The following IL16 variants were observed in gnomAD, a reference collection of about 807,000 sequenced individuals.
IL16 encodes the protein interleukin 16, also known as pro-interleukin-16.
Under a neutral mutation model 110.1 loss-of-function variants are expected in IL16, and 67 were observed. The ratio of observed to expected loss-of-function variants is 0.61; its 90% CI spans 0.50 to 0.75. The LOEUF is 0.75. IL16 is among the 30% of genes least tolerant of loss of function. The pLI is 0.00. For missense variants in IL16, 1,545 were observed against 1,655.0 expected, an observed-to-expected ratio of 0.93 and a Z score of 1.15; for synonymous variants, 689 against 662.9, an observed-to-expected ratio of 1.04 and a Z score of -0.61.
Position 81,250,447 on chromosome 15 carries a change from G to A in IL16, c.313-9325G>A, listed in dbSNP as rs144505721. On this transcript the variant is annotated intron_variant, in intron 2 of 18. Coordinates refer to ENST00000683961, the MANE Select transcript of IL16 (RefSeq NM_172217.5). Reference sequence around the variant, plus strand: ...CCACCTCAGCCTCTCAAAGTGCTGCGATTACAGGTGGGAGCCACCACACTT... The same window carrying A: ...CCACCTCAGCCTCTCAAAGTGCTGCAATTACAGGTGGGAGCCACCACACTT... 1.3e-4 allele frequency among the ~76,000 whole-genome samples: 20 copies of A among 152,304 alleles called. 1 individual carries two copies. In the East Asian group the frequency reaches 2.7e-3, roughly 21 times the overall value.
At chr15:81,208,970 T>A (rs1896134828) in intron 1 of IL16, among the ~76,000 whole-genome samples, 1 of 152,186 alleles carries the variant, frequency 6.6e-6, no homozygotes, top group Non-Finnish European at 1.5e-5. Flanking sequence ...TTATAGGTAC[T>A]TATATGAGAA....
chr15:81,279,000 G>T, intron 7 of IL16, 110 bp downstream of exon 7: 2 of 759,866 alleles, frequency 2.6e-6, no homozygotes, highest in Non-Finnish European at 4.8e-6. Flanking sequence ...TTCACATGAG[G>T]CACCTCACTG....
intron 10 of IL16, chr15:81,289,815 G>T: frequency 2.1e-5 from 8 of 377,848 alleles, no homozygotes; most frequent in East Asian, 7.4e-5. Context: ...CTATTTTTTT[G>T]TTTCCTGTAC....
chr15:81,254,478 A>T (rs1432130953), intron 2 of IL16, among the ~76,000 whole-genome samples: 1 of 152,130 alleles, frequency 6.6e-6, no homozygotes, highest in Non-Finnish European at 1.5e-5. Context: ...CTAACTTTGG[A>T]AAAAATATTT....
chr15:81,293,421 G>A (rs565595813), intron 12 of IL16, among the ~76,000 whole-genome samples: 1 of 152,142 alleles, frequency 6.6e-6, no homozygotes, highest in Non-Finnish European at 1.5e-5. Flanking sequence ...ACTAAAAAGG[G>A]GCCTGGCACG....
At chr15:81,206,854 C>T (rs1215880433) in intron 1 of IL16, among the ~76,000 whole-genome samples, 10 of 135,824 alleles carry the variant, frequency 7.4e-5, no homozygotes, top group East Asian at 2.5e-4. Flanking sequence ...AAGAGAATTT[C>T]GGGCTTTAAA....
chr15:81,301,612 C>A, intron 15 of IL16, 100 bp downstream of exon 15: 2 of 996,760 alleles, frequency 2.0e-6, no homozygotes, highest in Non-Finnish European at 3.0e-6. Context: ...GTAGCCTGCT[C>A]ACATCAGACC....
intron 2 of IL16, among the ~76,000 whole-genome samples, chr15:81,232,915 A>C (rs891621778): frequency 6.6e-6 from 1 of 152,128 alleles, no homozygotes; most frequent in African/African-American, 2.4e-5. Context: ...CATTTTCTGG[A>C]ATACTTTGAC....
chr15:81,215,250 G>A (rs950134011), intron 1 of IL16, among the ~76,000 whole-genome samples: 1 of 152,192 alleles, frequency 6.6e-6, no homozygotes, highest in Non-Finnish European at 1.5e-5. Flanking sequence ...AAGGGTTAGT[G>A]TTCCTTTAAC....
At chr15:81,258,756 GCTCT>G (rs373777676) in intron 2 of IL16, among the ~76,000 whole-genome samples, 17 of 147,336 alleles carry the variant, frequency 1.2e-4, no homozygotes, top group Admixed American at 4.0e-4. Flanking sequence ...TCTGTCACTC[GCTCT>G]CTCTCTCTCT....
chr15:81,182,993 G>A, intron 1 of IL16: 1 of 753,818 alleles, frequency 1.3e-6, no homozygotes, highest in Non-Finnish European at 2.0e-6. Context: ...ATGGAAGCAT[G>A]GTTTTGGTCC....
At chr15:81,228,345 G>T (rs1209792177) in intron 2 of IL16, among the ~76,000 whole-genome samples, 1 of 149,672 alleles carries the variant, frequency 6.7e-6, no homozygotes, top group Non-Finnish European at 1.5e-5. Context: ...TTTTGAGACG[G>T]AGTCTCGCTC....
At chr15:81,282,964 G>T (rs1394847812) in intron 9 of IL16, among the ~76,000 whole-genome samples, 1 of 152,218 alleles carries the variant, frequency 6.6e-6, no homozygotes, top group African/African-American at 2.4e-5. Flanking sequence ...ACACTCTTGG[G>T]AGATGCATTT....
At chr15:81,224,803 G>A (rs896365731) in intron 1 of IL16, among the ~76,000 whole-genome samples, 1 of 152,142 alleles carries the variant, frequency 6.6e-6, no homozygotes, top group African/African-American at 2.4e-5. Flanking sequence ...AGATGCCATG[G>A]GAGTTATCAA....
chr15:81,255,286 A>G (rs1056842484), intron 2 of IL16, among the ~76,000 whole-genome samples: 6 of 152,212 alleles, frequency 3.9e-5, no homozygotes, highest in African/African-American at 1.2e-4. Context: ...GAACATTTCT[A>G]TTCTCTCCTA....
chr15:81,256,245 A>T (rs1897939913), intron 2 of IL16, among the ~76,000 whole-genome samples: 1 of 151,324 alleles, frequency 6.6e-6, no homozygotes, highest in African/African-American at 2.4e-5. Context: ...ATTTTACATG[A>T]TTGTAGTCAG....
intron 14 of IL16, among the ~76,000 whole-genome samples, chr15:81,301,011 T>C (rs1282706987): frequency 6.6e-6 from 1 of 152,216 alleles, no homozygotes; most frequent in Non-Finnish European, 1.5e-5. Context: ...CACCCTCAGA[T>C]TCCTTGTCAG....
chr15:81,268,793 C>T (rs1254369429), intron 4 of IL16, among the ~76,000 whole-genome samples: 2 of 152,244 alleles, frequency 1.3e-5, no homozygotes, highest in Admixed American at 1.3e-4. Context: ...ATTTTAAGCA[C>T]TCGCATAGAT....
intron 1 of IL16, among the ~76,000 whole-genome samples, chr15:81,203,597 G>T (rs1340471460): frequency 6.6e-6 from 1 of 152,024 alleles, no homozygotes; most frequent in African/African-American, 2.4e-5. Context: ...CCCATTGCTT[G>T]TTTTTGTCAG....
Sources: allele counts gnomAD v4.1 joint callset (sites outside exome capture counted in the v4.1 genomes callset), GRCh38; gene constraint gnomAD v4.1.1; transcripts MANE v1.5; gene names NCBI Gene and HGNC (gene_info 2026-07-23, HGNC 2026-07-21).